The following MAML3 variants were observed in gnomAD, a reference collection of about 807,000 sequenced individuals.
MAML3 encodes the protein mastermind like transcriptional coactivator 3.
MAML3 carries 27 observed loss-of-function variants against 101.9 expected under a neutral mutation model. That is an observed-to-expected ratio of 0.27 (90% CI 0.20 to 0.37). The LOEUF (loss-of-function observed/expected upper bound fraction) is 0.37. MAML3 is among the 10% of genes least tolerant of loss of function. The pLI is 1.00. For synonymous variants in MAML3, 501 were observed against 555.9 expected (o/e 0.90, Z 1.39); for missense variants, 1,316 against 1,444.9 (o/e 0.91, Z 1.45).
chr4:139,753,952 G>A (rs1469625796), intron 2 of MAML3, among the ~76,000 whole-genome samples: 1 of 152,196 alleles, frequency 6.6e-6, no homozygotes, highest in East Asian at 1.9e-4. Context: ...AGACTGGGGT[G>A]GAGGGAGGGG....
intron 1 of MAML3, among the ~76,000 whole-genome samples, chr4:140,146,969 C>A (rs1305514788): frequency 6.6e-6 from 1 of 151,746 alleles, no homozygotes; most frequent in African/African-American, 2.4e-5. Context: ...CCTGTCTCTA[C>A]TAAAATACAA....
chr4:139,963,397 G>T (rs769133751), intron 1 of MAML3, among the ~76,000 whole-genome samples: 1 of 152,142 alleles, frequency 6.6e-6, no homozygotes, highest in Admixed American at 6.5e-5. Flanking sequence ...CAAAGCTACC[G>T]GTCCACAGAC....
chr4:139,895,086 G>C (rs1732583921), intron 1 of MAML3, among the ~76,000 whole-genome samples: 1 of 152,206 alleles, frequency 6.6e-6, no homozygotes, highest in Admixed American at 6.5e-5. Context: ...GTAAAATGGT[G>C]GTGGCCAAGA....
intron 2 of MAML3, among the ~76,000 whole-genome samples, chr4:139,866,684 G>GT (rs1166789452): frequency 6.6e-6 from 1 of 152,050 alleles, no homozygotes; most frequent in Admixed American, 6.5e-5. Flanking sequence ...TCTAAAGTAT[G>GT]TTTCAGACAT....
intron 1 of MAML3, among the ~76,000 whole-genome samples, chr4:139,992,809 G>A (rs920569866): frequency 8.6e-5 from 13 of 151,998 alleles, no homozygotes; most frequent in Admixed American, 5.9e-4. Context: ...TCCCCACCTC[G>A]GCCTCCCAAC....
At chr4:139,833,077 A>T (rs1731196793) in intron 2 of MAML3, among the ~76,000 whole-genome samples, 1 of 152,246 alleles carries the variant, frequency 6.6e-6, no homozygotes, top group Non-Finnish European at 1.5e-5. Flanking sequence ...GTGAATGACT[A>T]CATCGATAAA....
chr4:139,930,875 A>G (rs774626756), intron 1 of MAML3, among the ~76,000 whole-genome samples: 7 of 152,032 alleles, frequency 4.6e-5, no homozygotes, highest in Non-Finnish European at 8.8e-5. Flanking sequence ...TAGTTAGGAA[A>G]TTGAAGGCTC....
intron 1 of MAML3, among the ~76,000 whole-genome samples, chr4:139,939,228 A>G (rs536072899): frequency 5.3e-4 from 80 of 152,338 alleles, no homozygotes; most frequent in African/African-American, 1.9e-3. Flanking sequence ...CCTCTTGTAT[A>G]AATTATTATT....
chr4:139,996,335 C>T (rs2110836391), intron 1 of MAML3, among the ~76,000 whole-genome samples: 1 of 152,204 alleles, frequency 6.6e-6, no homozygotes, highest in South Asian at 2.1e-4. Flanking sequence ...TCTAGTTATC[C>T]TATCAAATAG....
chr4:139,724,217 C>T (rs562842501), intron 4 of MAML3, among the ~76,000 whole-genome samples: 1 of 152,106 alleles, frequency 6.6e-6, no homozygotes, highest in African/African-American at 2.4e-5. Flanking sequence ...CTACTCAAGA[C>T]CCAGTATTTT....
intron 1 of MAML3, among the ~76,000 whole-genome samples, chr4:139,911,362 C>T (rs186166739): frequency 2.8e-4 from 42 of 152,106 alleles, no homozygotes; most frequent in African/African-American, 9.6e-4. Flanking sequence ...GGACTACAGG[C>T]GCACACCACC....
At chr4:139,841,515 T>C (rs1456162947) in intron 2 of MAML3, among the ~76,000 whole-genome samples, 1 of 152,252 alleles carries the variant, frequency 6.6e-6, no homozygotes, top group African/African-American at 2.4e-5. Flanking sequence ...CACCAGATGC[T>C]GCTTCACTAT....
chr4:139,852,403 GTTTTTTTTTTT>G (rs67349785), intron 2 of MAML3, among the ~76,000 whole-genome samples: 15 of 68,324 alleles, frequency 2.2e-4, no homozygotes, highest in African/African-American at 7.3e-4. Flanking sequence ...TCAGAAGACT[GTTTTTTTTTTT>G]TTTTTTTTTT....
chr4:139,959,631 G>C (rs761146212), intron 1 of MAML3, among the ~76,000 whole-genome samples: 7 of 152,146 alleles, frequency 4.6e-5, no homozygotes, highest in Non-Finnish European at 8.8e-5. Context: ...GGGCACTCTG[G>C]GTCCTGAAGG....
chr4:139,815,541 C>A (rs1025638892), intron 2 of MAML3, among the ~76,000 whole-genome samples: 57 of 152,226 alleles, frequency 3.7e-4, no homozygotes, highest in Non-Finnish European at 2.6e-4. Context: ...GAAAGGAATT[C>A]AAATCTGGGC....
chr4:139,913,029 C>T (rs1732961014), intron 1 of MAML3, among the ~76,000 whole-genome samples: 1 of 152,238 alleles, frequency 6.6e-6, no homozygotes, highest in South Asian at 2.1e-4. Flanking sequence ...CTGTGCATCC[C>T]ACCTGTGAGC....
chr4:139,863,664 A>C (rs1731828038), intron 2 of MAML3, among the ~76,000 whole-genome samples: 1 of 152,108 alleles, frequency 6.6e-6, no homozygotes, highest in Non-Finnish European at 1.5e-5. Context: ...AAATGAGCAG[A>C]GTAACATTGT....
At chr4:140,046,700 T>C (rs919932348) in intron 1 of MAML3, among the ~76,000 whole-genome samples, 5 of 152,012 alleles carry the variant, frequency 3.3e-5, no homozygotes, top group African/African-American at 9.7e-5. Flanking sequence ...GACACAGCTC[T>C]GGGCCTGAAT....
intron 1 of MAML3, among the ~76,000 whole-genome samples, chr4:140,090,197 C>T (rs1234857787): frequency 6.6e-6 from 1 of 152,122 alleles, no homozygotes; most frequent in Non-Finnish European, 1.5e-5. Flanking sequence ...TGGTGTTAAT[C>T]TTTCAATGGA....
Sources: allele counts gnomAD v4.1 joint callset (sites outside exome capture counted in the v4.1 genomes callset), GRCh38; gene constraint gnomAD v4.1.1; transcripts MANE v1.5; gene names NCBI Gene and HGNC (gene_info 2026-07-23, HGNC 2026-07-21).